The following PIK3AP1 variants were observed in gnomAD, a reference collection of about 807,000 sequenced individuals.
The protein encoded by PIK3AP1 is phosphoinositide-3-kinase adaptor protein 1, also known as phosphoinositide 3-kinase adapter protein 1.
A neutral mutation model predicts 88.1 loss-of-function variants in PIK3AP1; 21 were observed. The ratio of observed to expected loss-of-function variants is 0.24; its 90% CI spans 0.17 to 0.34. The LOEUF (loss-of-function observed/expected upper bound fraction) is 0.34, where lower values mean the gene tolerates loss of function less well. PIK3AP1 is among the 10% of genes least tolerant of loss of function. The pLI is 1.00. For missense variants in PIK3AP1, 828 were observed against 1,035.7 expected (o/e 0.80, Z 2.75); for synonymous variants, 398 against 400.0 (o/e 1.00, Z 0.06).
chr10:96,621,876 A>C (rs1843088885), intron 11 of PIK3AP1, among the ~76,000 whole-genome samples: 1 of 152,184 alleles, frequency 6.6e-6, no homozygotes, highest in Admixed American at 6.5e-5. Flanking sequence ...CTACCCATTA[A>C]ATGCTAGCAG....
chr10:96,682,360 C>T (rs1259206370), intron 2 of PIK3AP1, among the ~76,000 whole-genome samples: 1 of 152,050 alleles, frequency 6.6e-6, no homozygotes, highest in African/African-American at 2.4e-5. Context: ...ATCAAGATGG[C>T]TGAGTCCAGC....
At position 96,719,723 on chromosome 10, in the gene PIK3AP1, C is replaced by A. The variant is rs146566209; in HGVS notation, c.13+659G>T. Among the ~76,000 whole-genome samples the A allele has an allele frequency of 3.4e-3, 515 of 152,298 alleles. 1 individual carries two copies. The highest frequency in any genetic ancestry group is 0.011 in the African/African-American group (464 of 41,542). ...CATGAACCAGAAGGCAACCCAAGAC[C>A]AGCCAGAAAAGACGCTTGGCACCCT... On this transcript the variant is annotated intron_variant, in intron 1 of 16. Transcript: ENST00000339364.
At chr10:96,702,130 G>A (rs567562503) in intron 2 of PIK3AP1, among the ~76,000 whole-genome samples, 2 of 152,260 alleles carry the variant, frequency 1.3e-5, no homozygotes, top group South Asian at 2.1e-4. Context: ...AGAATACAAC[G>A]GTGTTTACCA....
intron 14 of PIK3AP1, among the ~76,000 whole-genome samples, chr10:96,605,371 G>A (rs1210316426): frequency 1.3e-5 from 2 of 152,198 alleles, no homozygotes; most frequent in Admixed American, 6.5e-5. Flanking sequence ...TTATTTAGTT[G>A]TAATTAACTT....
chr10:96,659,320 A>G (rs1373228297), intron 2 of PIK3AP1, among the ~76,000 whole-genome samples: 1 of 152,174 alleles, frequency 6.6e-6, no homozygotes, highest in Non-Finnish European at 1.5e-5. Context: ...TTTAGATACT[A>G]TTCTGAGTGG....
At chr10:96,688,889 C>T (rs932855143) in intron 2 of PIK3AP1, among the ~76,000 whole-genome samples, 4 of 151,854 alleles carry the variant, frequency 2.6e-5, no homozygotes, top group Non-Finnish European at 1.5e-5. Flanking sequence ...ACGCATTACC[C>T]CCACCCCCCA....
chr10:96,637,375 A>AT (rs982795332), intron 8 of PIK3AP1, among the ~76,000 whole-genome samples: 2 of 148,284 alleles, frequency 1.3e-5, no homozygotes, highest in East Asian at 4.0e-4. Flanking sequence ...TAGTTATTTT[A>AT]TTTTTTGATT....
At chr10:96,597,565 A>G (rs1848798016) in intron 16 of PIK3AP1, among the ~76,000 whole-genome samples, 1 of 152,082 alleles carries the variant, frequency 6.6e-6, no homozygotes, top group Non-Finnish European at 1.5e-5. Flanking sequence ...TTCAGAACCT[A>G]TAGGAACATA....
chr10:96,649,803 A>G (rs1843512192), intron 6 of PIK3AP1, among the ~76,000 whole-genome samples: 1 of 152,174 alleles, frequency 6.6e-6, no homozygotes, highest in Non-Finnish European at 1.5e-5. Context: ...TTCACTCTCT[A>G]ATTGGTGAAA....
chr10:96,669,027 G>A (rs1463017485), intron 2 of PIK3AP1, among the ~76,000 whole-genome samples: 1 of 152,214 alleles, frequency 6.6e-6, no homozygotes, highest in Non-Finnish European at 1.5e-5. Context: ...AGCTACTCAG[G>A]AGGCTGAGAC....
intron 12 of PIK3AP1, among the ~76,000 whole-genome samples, chr10:96,618,158 C>T (rs1028078205): frequency 1.3e-5 from 2 of 152,298 alleles, no homozygotes; most frequent in East Asian, 3.9e-4. Context: ...ATAAACCCGT[C>T]GTCTGCTATG....
chr10:96,704,064 G>A (rs915003646), intron 2 of PIK3AP1, among the ~76,000 whole-genome samples: 7 of 152,156 alleles, frequency 4.6e-5, no homozygotes, highest in Admixed American at 1.3e-4. Flanking sequence ...AGTAAAGATT[G>A]TGATCTCAGT....
chr10:96,693,799 G>A (rs771963052), intron 2 of PIK3AP1, among the ~76,000 whole-genome samples: 1 of 152,236 alleles, frequency 6.6e-6, no homozygotes, highest in South Asian at 2.1e-4. Context: ...TGCAAACTGC[G>A]GGAACATATT....
intron 2 of PIK3AP1, among the ~76,000 whole-genome samples, chr10:96,706,951 C>T (rs992536177): frequency 1.3e-5 from 2 of 152,208 alleles, no homozygotes; most frequent in African/African-American, 4.8e-5. Context: ...TATAAGGCTT[C>T]CTTCCTCCTC....
Position 96,706,239 on chromosome 10 carries a change from G to A in PIK3AP1, c.430+3328C>T, listed in dbSNP as rs558639819. The stretch of plus-strand genomic sequence containing the variant: ...GGGATTCTTTTTTTTAACAGAGAAA[G>A]TCAAAGAAACAAGTTTCATGTACTT... On this transcript the variant is annotated intron_variant, in intron 2 of 16. Transcript: ENST00000339364. Among the ~76,000 whole-genome samples the A allele has an allele frequency of 7.9e-5, 12 of 152,234 alleles. No homozygotes were observed. The East Asian group carries it at 2.3e-3, about 29-fold the overall frequency.
chr10:96,621,540 G>T, intron 11 of PIK3AP1: 1 of 152,418 alleles, frequency 6.6e-6, no homozygotes, highest in Non-Finnish European at 1.5e-5. Flanking sequence ...CTTAGTGATA[G>T]GCGTCGACTC....
intron 9 of PIK3AP1, 81 bp from the exon 10 acceptor site, chr10:96,626,986 C>T: frequency 1.5e-6 from 2 of 1,368,490 alleles, no homozygotes; most frequent in Non-Finnish European, 2.1e-6. Flanking sequence ...AGTGAGGGAC[C>T]TTACTTTGTT....
chr10:96,692,942 T>C (rs964934605), intron 2 of PIK3AP1, among the ~76,000 whole-genome samples: 1 of 152,186 alleles, frequency 6.6e-6, no homozygotes, highest in African/African-American at 2.4e-5. Flanking sequence ...CCAGGATCAG[T>C]TGTCTTCAGA....
intron 6 of PIK3AP1, among the ~76,000 whole-genome samples, chr10:96,649,141 G>T (rs975954533): frequency 1.3e-5 from 2 of 152,136 alleles, no homozygotes; most frequent in Admixed American, 1.3e-4. Context: ...CTGCCTCCCA[G>T]TTTCAAGTGA....
Sources: gnomAD v4.1 joint callset for allele counts (sites outside exome capture counted in the v4.1 genomes callset) on GRCh38, gnomAD v4.1.1 for gene constraint, MANE v1.5 for transcripts, NCBI Gene and HGNC (gene_info 2026-07-23, HGNC 2026-07-21) for gene names.